ABHD3: variants seen among roughly 807,000 people sequenced by gnomAD.
ABHD3 encodes the protein phospholipase ABHD3.
ABHD3 carries 46 observed loss-of-function variants against 48.8 expected under a neutral mutation model. The observed-to-expected ratio is 0.94, with a 90% CI of 0.74 to 1.20. ABHD3 has a LOEUF of 1.20. Ranked by LOEUF, ABHD3 falls within the 50% of genes most tolerant of loss-of-function variation. The pLI is 0.00. For missense variants in ABHD3, 490 were observed against 497.8 expected, an observed-to-expected ratio of 0.98 and a Z score of 0.15; for synonymous variants, 192 against 183.7, an observed-to-expected ratio of 1.04 and a Z score of -0.36.
At chr18:21,674,401 C>G (rs1018766980) in intron 4 of ABHD3, among the ~76,000 whole-genome samples, 1 of 151,974 alleles carries the variant, frequency 6.6e-6, no homozygotes, top group African/African-American at 2.4e-5. Context: ...GCCACCATGC[C>G]CATATCCAGC....
intron 4 of ABHD3, among the ~76,000 whole-genome samples, chr18:21,670,158 C>T (rs1040970203): frequency 2.6e-5 from 4 of 152,114 alleles, no homozygotes; most frequent in African/African-American, 7.2e-5. Context: ...AGGATGTTAA[C>T]GCCCCGGTAC....
intron 4 of ABHD3, among the ~76,000 whole-genome samples, chr18:21,680,733 C>T (rs188105874): frequency 3.3e-5 from 5 of 152,246 alleles, no homozygotes; most frequent in African/African-American, 9.6e-5. Context: ...GGTTGCTGTA[C>T]TATTTCAAAG....
At position 21,704,017 on chromosome 18, in the gene ABHD3, G is replaced by C. The variant is rs147586800; in HGVS notation, c.163-270C>G. 4.8e-3 allele frequency among the ~76,000 whole-genome samples: 734 copies of C among 152,306 alleles called. 4 individuals are homozygous for C. Among genetic ancestry groups the C allele is most frequent in the African/African-American group, 0.016 (671 of 41,570 alleles). On this transcript the variant is annotated intron_variant, in intron 1 of 8. Transcript: ENST00000289119. ...GGGGATTCTCCTGCCTCAGCCTCCC[G>C]AGTAGCTGGGATTGCAGGCGTCCGC...
rs1377985673 is a variant in ABHD3, at chr18:21,656,953, T to A, written c.965A>T (p.Tyr322Phe). Residue 322 changes from tyrosine to phenylalanine, a missense_variant, in exon 8 of 9, where the codon TAT (tyrosine) becomes TTT (phenylalanine). Coordinates refer to ENST00000289119, the MANE Select transcript of ABHD3 (RefSeq NM_138340.5). ...TCTAGGACTCGGACTGGCATCAGTATAATAATCATCAATTGTTTGGTATCC... is the reference window on the plus strand; with the variant it reads ...TCTAGGACTCGGACTGGCATCAGTAAAATAATCATCAATTGTTTGGTATCC... ...MFGYQTIDDY[Y>F]TDASPSPRLK... The A allele has an allele frequency of 6.2e-7, 1 of 1,613,956 alleles. No homozygotes were observed. The highest frequency in any genetic ancestry group is 8.5e-7 in the Non-Finnish European group (1 of 1,179,966).
intron 4 of ABHD3, among the ~76,000 whole-genome samples, chr18:21,665,982 C>T (rs964372743): frequency 7.2e-5 from 11 of 151,948 alleles, no homozygotes; most frequent in African/African-American, 2.2e-4. Context: ...AAGCAATCTA[C>T]GGTCTAATTT....
intron 3 of ABHD3, among the ~76,000 whole-genome samples, chr18:21,691,304 AAC>A (rs2040247154): frequency 6.6e-6 from 1 of 152,250 alleles, no homozygotes; most frequent in Non-Finnish European, 1.5e-5. Context: ...TAAATGGAGA[AAC>A]ACAAAATCTA....
intron 4 of ABHD3, among the ~76,000 whole-genome samples, chr18:21,673,284 G>C (rs1256795186): frequency 2.6e-5 from 4 of 152,112 alleles, no homozygotes; most frequent in Non-Finnish European, 4.4e-5. Flanking sequence ...ATCTCTGGGG[G>C]ATGGGGTTCA....
At chr18:21,669,845 G>A (rs747744784) in intron 4 of ABHD3, among the ~76,000 whole-genome samples, 1 of 152,162 alleles carries the variant, frequency 6.6e-6, no homozygotes, top group Non-Finnish European at 1.5e-5. Context: ...CTCCTCTCGA[G>A]TACAGGGCTG....
At chr18:21,656,078 C>A (rs1456443377) in intron 8 of ABHD3, among the ~76,000 whole-genome samples, 1 of 151,910 alleles carries the variant, frequency 6.6e-6, no homozygotes, top group Non-Finnish European at 1.5e-5. Context: ...ATTGCTTGAA[C>A]CCGGGAGGCG....
intron 4 of ABHD3, among the ~76,000 whole-genome samples, chr18:21,670,513 C>T (rs956910783): frequency 7.2e-5 from 11 of 152,218 alleles, no homozygotes; most frequent in Admixed American, 6.5e-4. Context: ...AATTAAGCCT[C>T]TGCCAAGCAT....
chr18:21,665,640 T>C lies in ABHD3; in HGVS notation c.556-1410A>G, dbSNP rs560207983. ...GATCCTGGCTAAAACAGCGAAACCC[T>C]GTCTCTACTAAAAATACAAAAAATT... is the stretch of plus-strand genomic sequence containing the variant. On this transcript the variant is annotated intron_variant, in intron 4 of 8. Coordinates refer to ENST00000289119, the MANE Select transcript of ABHD3 (RefSeq NM_138340.5). Among the ~76,000 whole-genome samples the C allele has an allele frequency of 1.2e-4, 18 of 152,080 alleles. 1 individual carries two copies. The highest frequency in any genetic ancestry group is 3.9e-4 in the East Asian group (2 of 5,162).
chr18:21,651,663 C>G lies in ABHD3; in HGVS notation c.1158G>C (p.Gln386His), dbSNP rs1278940303. The G allele has an allele frequency of 3.7e-6, 6 of 1,613,658 alleles. No individual in the cohort carries two copies. The highest frequency in any genetic ancestry group is 5.1e-6 in the Non-Finnish European group (6 of 1,179,926). ...IGFLEGIWPR[Q>H]STYMDRVFKQ... ...TGAAGACACGATCCATGTAAGTGGA[C>G]TGTCTTGGCCAGATTCCCTCCAGAA... The change falls in exon 9 of 9, where the codon CAG becomes CAC. Residue 386 changes from glutamine (Q) to histidine (H), a missense_variant. Transcript: ENST00000289119.
At chr18:21,703,543 T>C (rs1321938608) in intron 2 of ABHD3, 41 bp downstream of exon 2, 1 of 1,586,258 alleles carries the variant, frequency 6.3e-7, no homozygotes, top group Non-Finnish European at 8.6e-7. Flanking sequence ...ACAAACAACC[T>C]GTGATTTTGC....
At chr18:21,674,092 T>C (rs1389489160) in intron 4 of ABHD3, among the ~76,000 whole-genome samples, 1 of 152,136 alleles carries the variant, frequency 6.6e-6, no homozygotes, top group Non-Finnish European at 1.5e-5. Flanking sequence ...TCTGAACTCT[T>C]GGATTCCTTG....
chr18:21,692,202 A>G (rs1258704115), intron 3 of ABHD3, among the ~76,000 whole-genome samples: 4 of 152,148 alleles, frequency 2.6e-5, no homozygotes, highest in Non-Finnish European at 5.9e-5. Context: ...CACCTGCCTC[A>G]GCCTCCCAAA....
intron 2 of ABHD3, 42 bp from the exon 3 acceptor site, chr18:21,702,540 TAAGTC>T: frequency 7.1e-7 from 1 of 1,415,642 alleles, no homozygotes. Flanking sequence ...TTACATGTTT[TAAGTC>T]ATGTCTTAAT....
intron 4 of ABHD3, among the ~76,000 whole-genome samples, chr18:21,677,803 C>T (rs1247124468): frequency 1.3e-5 from 2 of 152,046 alleles, no homozygotes; most frequent in African/African-American, 2.4e-5. Context: ...CCTGCCTCAG[C>T]CTCCTGAGTA....
At chr18:21,687,940 C>A (rs1166681202) in intron 3 of ABHD3, among the ~76,000 whole-genome samples, 3 of 152,194 alleles carry the variant, frequency 2.0e-5, no homozygotes, top group Non-Finnish European at 2.9e-5. Context: ...ATGCCCCAGG[C>A]ATAACAACCA....
intron 3 of ABHD3, among the ~76,000 whole-genome samples, chr18:21,694,655 T>G (rs980298650): frequency 2.6e-5 from 4 of 152,226 alleles, no homozygotes. Context: ...GTGATCCTTT[T>G]GCCCTCTTCT....
Sources: allele counts gnomAD v4.1 joint callset (sites outside exome capture counted in the v4.1 genomes callset), GRCh38; gene constraint gnomAD v4.1.1; transcripts MANE v1.5; gene names NCBI Gene and HGNC (gene_info 2026-07-23, HGNC 2026-07-21).